Variants in ADAM12 observed in about 807,000 individuals in gnomAD.
ADAM12 encodes the protein disintegrin and metalloproteinase domain-containing protein 12.
Under a neutral mutation model 106.4 loss-of-function variants are expected in ADAM12, and 70 were observed. That is an observed-to-expected ratio of 0.66 (90% CI 0.54 to 0.80). The LOEUF is 0.80. ADAM12 is among the 30% of genes least tolerant of loss of function. The probability of loss-of-function intolerance (pLI) is 0.00; values close to 1 mark genes in which losing one functional copy is unlikely to be tolerated. For synonymous variants in ADAM12, 420 were observed against 433.5 expected (o/e 0.97, Z 0.39); for missense variants, 1,010 against 1,171.9 (o/e 0.86, Z 2.02).
rs189853498 is a variant in ADAM12 at position 126,068,025 on chromosome 10, G to T, written c.1324-1219C>A. On this transcript the variant is annotated intron_variant, in intron 12 of 22. Transcript: ENST00000448723. ...ATGTTCCATTTGATTCTATTATACAGACTTCCAAAGTTATTAAATTTTAAA... is the reference window on the plus strand; with the variant it reads ...ATGTTCCATTTGATTCTATTATACATACTTCCAAAGTTATTAAATTTTAAA... Among the ~76,000 whole-genome samples the T allele has an allele frequency of 2.3e-3, 344 of 152,136 alleles. 2 individuals are homozygous for T. The highest frequency in any genetic ancestry group is 7.7e-3 in the African/African-American group (318 of 41,500).
At chr10:126,256,031 G>A (rs1454378334) in intron 3 of ADAM12, among the ~76,000 whole-genome samples, 1 of 152,138 alleles carries the variant, frequency 6.6e-6, no homozygotes, top group Non-Finnish European at 1.5e-5. Context: ...TGGTAGTTAG[G>A]ACCAGCCAAG....
intron 3 of ADAM12, among the ~76,000 whole-genome samples, chr10:126,194,927 G>T (rs578218181): frequency 1.3e-5 from 2 of 152,356 alleles, no homozygotes. Context: ...GGCAACGCTT[G>T]AATGCCTATG....
intron 2 of ADAM12, among the ~76,000 whole-genome samples, chr10:126,291,527 CATTTCATGG>C (rs1313588667): frequency 1.1e-4 from 17 of 152,220 alleles, no homozygotes; most frequent in Admixed American, 1.1e-3. Flanking sequence ...AGAGAATTCT[CATTTCATGG>C]CTGCAGACAA....
At chr10:126,155,758 C>T (rs868329085) in intron 3 of ADAM12, among the ~76,000 whole-genome samples, 1 of 152,174 alleles carries the variant, frequency 6.6e-6, no homozygotes, top group Admixed American at 6.5e-5. Context: ...CATTCTGATC[C>T]ACAGCAGTGC....
chr10:126,370,304 A>C (rs549999566), intron 1 of ADAM12, among the ~76,000 whole-genome samples: 15 of 152,364 alleles, frequency 9.8e-5, no homozygotes, highest in African/African-American at 3.4e-4. Context: ...ATACAGCAAT[A>C]AATAACAAAT....
intron 2 of ADAM12, among the ~76,000 whole-genome samples, chr10:126,328,599 T>C (rs1349837737): frequency 1.3e-5 from 2 of 152,182 alleles, no homozygotes; most frequent in Non-Finnish European, 2.9e-5. Context: ...CAAATATGAG[T>C]ACATATTGTA....
chr10:126,249,548 A>G (rs1242486746), intron 3 of ADAM12, among the ~76,000 whole-genome samples: 1 of 152,152 alleles, frequency 6.6e-6, no homozygotes, highest in Non-Finnish European at 1.5e-5. Context: ...AATACAAAAA[A>G]TTAGCCGCGT....
Position 126,049,157 on chromosome 10 carries a change from G to A in ADAM12, c.1917+96C>T. On this transcript the variant is annotated intron_variant, in intron 16 of 22. Transcript: ENST00000448723. This position sits in a 1 kb window ranked among gnomAD's most constrained non-coding sequence, Gnocchi z 4.4. Reference sequence around the variant, plus strand: ...TGCATCTGAGAAGAAGTAGATTTAGGAAAACCAACAAACCTTGTAACCCAG... The same window carrying A: ...TGCATCTGAGAAGAAGTAGATTTAGAAAAACCAACAAACCTTGTAACCCAG... 2.0e-6 allele frequency: 3 copies of A among 1,512,782 alleles called. No individual in the cohort carries two copies. Among genetic ancestry groups the A allele is most frequent in the South Asian group, 2.3e-5 (2 of 86,726 alleles). 93.7% of individuals were successfully genotyped at this position (1,512,782 alleles called of 1,614,324 possible).
At chr10:126,169,145 G>A (rs1030418212) in intron 3 of ADAM12, among the ~76,000 whole-genome samples, 2 of 152,112 alleles carry the variant, frequency 1.3e-5, no homozygotes, top group African/African-American at 4.8e-5. Context: ...AGGCTCTGTG[G>A]CCTCCCTTTG....
intron 5 of ADAM12, among the ~76,000 whole-genome samples, chr10:126,129,712 G>C (rs1044149784): frequency 6.6e-6 from 1 of 152,186 alleles, no homozygotes; most frequent in Non-Finnish European, 1.5e-5. Context: ...TTAACGTATG[G>C]CCTCAACTTC....
chr10:126,267,554 A>G (rs6597755), intron 3 of ADAM12, among the ~76,000 whole-genome samples: 142,187 of 152,096 alleles, frequency 0.93, 67,146 homozygotes, highest in East Asian at 1. Flanking sequence ...CCTCCCATGC[A>G]CAGTTCACAA....
At chr10:126,304,757 G>A (rs532540272) in intron 2 of ADAM12, among the ~76,000 whole-genome samples, 8 of 151,670 alleles carry the variant, frequency 5.3e-5, no homozygotes, top group East Asian at 1.9e-4. Flanking sequence ...TCACCTTAAC[G>A]CACGTAAAAA....
chr10:126,235,435 G>A (rs1399468133), intron 3 of ADAM12, among the ~76,000 whole-genome samples: 2 of 152,206 alleles, frequency 1.3e-5, no homozygotes, highest in Non-Finnish European at 2.9e-5. Flanking sequence ...TGAGAACCAG[G>A]GAGCGCGGAC....
rs149193097 is a variant in ADAM12 at position 126,249,409 on chromosome 10, C to A, written c.260+29506G>T. On this transcript the variant is annotated intron_variant, in intron 3 of 22. Coordinates refer to ENST00000448723, the MANE Select transcript of ADAM12 (RefSeq NM_001288973.2). ...AAATTAGCCAAAGTGCCTTAGAAAA[C>A]CAACACCAGGCGGGGCGCCATGGCT... Among the ~76,000 whole-genome samples, 354 of 152,302 alleles carry A rather than the reference C, an allele frequency of 2.3e-3. 2 individuals carry two copies. Among genetic ancestry groups the A allele is most frequent in the African/African-American group, 8.2e-3 (340 of 41,572 alleles).
chr10:126,214,535 G>T (rs1957953233), intron 3 of ADAM12, among the ~76,000 whole-genome samples: 2 of 152,198 alleles, frequency 1.3e-5, no homozygotes, highest in African/African-American at 4.8e-5. Context: ...GTATATGAGA[G>T]ACTGGAAGCA....
intron 5 of ADAM12, among the ~76,000 whole-genome samples, chr10:126,131,196 C>T (rs2133663990): frequency 6.7e-6 from 1 of 148,562 alleles, no homozygotes; most frequent in Non-Finnish European, 1.5e-5. Flanking sequence ...CCTCGGGGAC[C>T]CTGGGTGCAG....
chr10:126,240,041 A>G (rs1393784406), intron 3 of ADAM12, among the ~76,000 whole-genome samples: 1 of 152,198 alleles, frequency 6.6e-6, no homozygotes. Flanking sequence ...CCCGGAGTCG[A>G]CTCAGCTCCC....
chr10:126,279,853 G>A (rs923011332), intron 2 of ADAM12, among the ~76,000 whole-genome samples: 6 of 152,188 alleles, frequency 3.9e-5, no homozygotes, highest in African/African-American at 1.4e-4. Flanking sequence ...GCAGAAAGTG[G>A]AGACTCAGTC....
At chr10:126,111,928 AT>A (rs1431931177) in intron 6 of ADAM12, among the ~76,000 whole-genome samples, 2 of 152,184 alleles carry the variant, frequency 1.3e-5, no homozygotes, top group African/African-American at 4.8e-5. Context: ...ACAAAGAATC[AT>A]GTTTTTAAAT....
Sources: allele counts gnomAD v4.1 joint callset (sites outside exome capture counted in the v4.1 genomes callset), GRCh38; gene constraint gnomAD v4.1.1; non-coding constraint Gnocchi (gnomAD v3.1); transcripts MANE v1.5; gene names NCBI Gene and HGNC (gene_info 2026-07-23, HGNC 2026-07-21).